The following BCL11B variants were observed in gnomAD, a reference collection of about 807,000 sequenced individuals.
BCL11B encodes the protein BCL11 transcription factor B.
BCL11B carries 8 observed loss-of-function variants against 49.9 expected under a neutral mutation model. That is an observed-to-expected ratio of 0.16 (90% confidence interval 0.09 to 0.29). The LOEUF is 0.29. Ranked by LOEUF, BCL11B falls within the 10% of genes least tolerant of loss-of-function variation. The probability of loss-of-function intolerance (pLI) is 1.00; values close to 1 mark genes in which losing one functional copy is unlikely to be tolerated. For synonymous variants in BCL11B, 739 were observed against 637.4 expected (o/e 1.16, Z -2.40); for missense variants, 1,006 against 1,351.0 (o/e 0.74, Z 4.00).
rs2139752310 is a variant in BCL11B at position 99,174,183 on chromosome 14, C to T, written c.2653G>A (p.Asp885Asn). The change falls in exon 4 of 4, where the codon GAC becomes AAC. Residue 885 changes from aspartate to asparagine, a missense_variant. Asp to Asn is a conservative substitution (Grantham distance 23, BLOSUM62 1). This residue lies in a region of BCL11B where 16 missense variants were observed against 24.1 expected (regional missense o/e 0.67). Transcript: ENST00000357195. The stretch of plus-strand genomic sequence containing the variant: ...CTCTCGGCCTGCTCGATTTTGACGT[C>T]GTTAGTCAGCAAGTGCTCGCCGTGC... ...KWHGEHLLTN[D>N]VKIEQAERS The T allele has an allele frequency of 3.7e-6, 6 of 1,613,456 alleles. No homozygotes were observed. Among genetic ancestry groups the T allele is most frequent in the Non-Finnish European group, 5.1e-6 (6 of 1,180,018 alleles).
At chr14:99,263,182 C>G (rs913445543) in intron 1 of BCL11B, 1 of 152,880 alleles carries the variant, frequency 6.5e-6, no homozygotes, top group Non-Finnish European at 1.5e-5. Flanking sequence ...TCTCAGCAGA[C>G]AGTCAGAGGA....
chr14:99,174,884 ACCGCGCCGC>A lies in BCL11B; in HGVS notation c.1943_1951del (p.Gly648_Ala650del). ...CGCGAAGCCGCCCCCGCGCCCGTTG[ACCGCGCCGC>A]CCGCGCCCGCGTCCCCGCAGCCGCC... On this transcript the variant is annotated inframe_deletion, in exon 4 of 4. Coordinates refer to ENST00000357195, the MANE Select transcript of BCL11B (RefSeq NM_138576.4). 1 of 1,103,104 alleles carries A rather than the reference ACCGCGCCGC, an allele frequency of 9.1e-7. No homozygotes were observed. Among genetic ancestry groups the A allele is most frequent in the Non-Finnish European group, 1.1e-6 (1 of 906,366 alleles). The allele number at this position is 1,103,104 out of a possible 1,614,324, so 68.3% of individuals were successfully genotyped here. A position where few individuals can be genotyped will look rare whatever the true frequency, so the allele number is the denominator to read the frequency against.
chr14:99,249,522 A>G (rs1888939655), intron 2 of BCL11B, among the ~76,000 whole-genome samples: 1 of 152,228 alleles, frequency 6.6e-6, no homozygotes, highest in African/African-American at 2.4e-5. Context: ...TCTATGACTC[A>G]GTTGCCTCAT....
intron 1 of BCL11B, among the ~76,000 whole-genome samples, chr14:99,263,785 C>T (rs942616639): frequency 2.0e-5 from 3 of 151,912 alleles, no homozygotes; most frequent in Non-Finnish European, 4.4e-5. Flanking sequence ...AATGCACACA[C>T]CTCTCCAGAA....
At position 99,195,542 on chromosome 14, in the gene BCL11B, T is replaced by C. The variant is rs766089605; in HGVS notation, c.641-19347A>G. Among the ~76,000 whole-genome samples the C allele has an allele frequency of 5.9e-5, 9 of 152,050 alleles. No homozygotes were observed. Among genetic ancestry groups the C allele is most frequent in the Non-Finnish European group, 1.3e-4 (9 of 67,996 alleles). On this transcript the variant is annotated intron_variant, in intron 3 of 3. Coordinates refer to ENST00000357195, the MANE Select transcript of BCL11B (RefSeq NM_138576.4). The surrounding 1 kb of genome is among the most constrained non-coding windows in gnomAD (Gnocchi z 4.7). The stretch of plus-strand genomic sequence containing the variant: ...GCTGAGCACTTGCTGAGTGCCTCAG[T>C]GTATCTTCGTGAACCCCCACAAGGC...
rs1180451023 is a variant in BCL11B, at chr14:99,176,053, C to T, written c.783G>A (p.Pro261=). ...CGAGCGGCGGCGGGATGGTGAGCCG[C>T]GGCGTGAGCGAGCTGCTGGCCGGCC... ...EPGPASSSLT[P]RLTIPPPLGP... is the part of the protein sequence containing the mutation. The change falls in exon 4 of 4, where the codon CCG becomes CCA. Residue 261 remains proline, a synonymous_variant. Transcript: ENST00000357195. The T allele has an allele frequency of 1.3e-6, 2 of 1,598,302 alleles. No individual in the cohort carries two copies. The highest frequency in any genetic ancestry group is 2.3e-5 in the East Asian group (1 of 44,090).
chr14:99,258,014 A>G (rs557119619), intron 1 of BCL11B, among the ~76,000 whole-genome samples, 175 bp from the exon 2 acceptor site: 16 of 152,296 alleles, frequency 1.1e-4, no homozygotes, highest in African/African-American at 3.8e-4. Flanking sequence ...CATCCCCCAC[A>G]GGACAGATGG....
At chr14:99,225,086 G>C (rs17098430) in intron 3 of BCL11B, among the ~76,000 whole-genome samples, 2,343 of 152,250 alleles carry the variant, frequency 0.015, 70 homozygotes, top group African/African-American at 0.054. Context: ...TCATTGCAGG[G>C]TTCACACCAA....
chr14:99,179,501 CTT>C (rs1230810557), intron 3 of BCL11B, among the ~76,000 whole-genome samples: 2 of 98,180 alleles, frequency 2.0e-5, no homozygotes, highest in Non-Finnish European at 2.3e-5. Flanking sequence ...AAAAAAAAAG[CTT>C]CTAAAACTAA....
In BCL11B at chr14:99,242,573, T is replaced by C. The variant is rs894360615; in HGVS notation, c.428-11016A>G. ...AACAGGGGCTGGGTCAAGGCCCCCATGGGGAAAGGAGAGGACCACACTCTC... is the reference window on the plus strand; with the variant it reads ...AACAGGGGCTGGGTCAAGGCCCCCACGGGGAAAGGAGAGGACCACACTCTC... On this transcript the variant is annotated intron_variant, in intron 2 of 3. Transcript: ENST00000357195. This position sits in a 1 kb window ranked among gnomAD's most constrained non-coding sequence, Gnocchi z 4.4. Among the ~76,000 whole-genome samples the C allele has an allele frequency of 1.6e-4, 25 of 152,068 alleles. No individual in the cohort carries two copies. The highest frequency in any genetic ancestry group is 4.8e-4 in the African/African-American group (20 of 41,408).
At chr14:99,225,020 G>A (rs1255833880) in intron 3 of BCL11B, among the ~76,000 whole-genome samples, 1 of 152,194 alleles carries the variant, frequency 6.6e-6, no homozygotes, top group Non-Finnish European at 1.5e-5. Flanking sequence ...CAGAGCTGAA[G>A]TCCAAGGCAC....
In BCL11B at chr14:99,169,852, C is replaced by G. The variant is rs1886230981; in HGVS notation, c.*4299G>C. The G allele has an allele frequency of 4.4e-6, 1 of 228,050 alleles. No homozygotes were observed. The highest frequency in any genetic ancestry group is 5.7e-5 in the Admixed American group (1 of 17,596). The allele number at this position is 228,050 out of a possible 1,614,324, so 14.1% of individuals were successfully genotyped here. On this transcript the variant is annotated 3_prime_UTR_variant, in exon 4 of 4. Transcript: ENST00000357195. ...AGAGTAATTCAGTCTCCTTCTCTCC[C>G]CATGAAAGACCCTCTAATGCCAAGT...
chr14:99,265,580 A>T (rs1889456366), intron 1 of BCL11B, among the ~76,000 whole-genome samples: 1 of 152,134 alleles, frequency 6.6e-6, no homozygotes, highest in South Asian at 2.1e-4. Flanking sequence ...TGCTAAACTG[A>T]TTTTTAACGG....
At chr14:99,210,558 G>A (rs1457087471) in intron 3 of BCL11B, among the ~76,000 whole-genome samples, 1 of 152,010 alleles carries the variant, frequency 6.6e-6, no homozygotes, top group Admixed American at 6.6e-5. Flanking sequence ...TTCTGGATCT[G>A]CAACAGGCTC....
intron 3 of BCL11B, among the ~76,000 whole-genome samples, chr14:99,214,462 A>G (rs887821337): frequency 2.0e-5 from 3 of 151,810 alleles, no homozygotes; most frequent in Middle Eastern, 3.2e-3. Flanking sequence ...GGAGGCTGAG[A>G]CAGGAGGATC....
chr14:99,257,916 G>A lies in BCL11B; in HGVS notation c.59-77C>T. ...AGGCGGTCACAGCACCCAACTTCCGGTCCACCCCTTCCCCGCCAAGAAGCA... is the reference window on the plus strand; with the variant it reads ...AGGCGGTCACAGCACCCAACTTCCGATCCACCCCTTCCCCGCCAAGAAGCA... On this transcript the variant is annotated intron_variant, in intron 1 of 3. Coordinates refer to ENST00000357195, the MANE Select transcript of BCL11B (RefSeq NM_138576.4). The surrounding 1 kb of genome is among the most constrained non-coding windows in gnomAD (Gnocchi z 6.2). The A allele has an allele frequency of 1.4e-6, 2 of 1,411,966 alleles. No individual in the cohort carries two copies. The highest frequency in any genetic ancestry group is 1.9e-6 in the Non-Finnish European group (2 of 1,076,644). 87.5% of individuals were successfully genotyped at this position (1,411,966 alleles called of 1,614,324 possible).
rs200687140 is a variant in BCL11B at position 99,174,972 on chromosome 14, C to A, written c.1864G>T (p.Ala622Ser). 1 of 1,558,192 alleles carries A rather than the reference C, an allele frequency of 6.4e-7. No homozygotes were observed. Among genetic ancestry groups the A allele is most frequent in the East Asian group, 2.4e-5 (1 of 41,030 alleles). ...CCGCCCGCCGCACGCTTCAGGAAGGCGCCGCGCTTCTGCTTGTCGGCCAGG... is the reference window on the plus strand; with the variant it reads ...CCGCCCGCCGCACGCTTCAGGAAGGAGCCGCGCTTCTGCTTGTCGGCCAGG... ...ELLADKQKRG[A>S]FLKRAAGGGD... The change falls in exon 4 of 4, where the codon GCC (alanine) becomes TCC (serine). Residue 622 changes from alanine to serine, a missense_variant. Around this residue, in one of 6 missense-constraint regions of BCL11B, gnomAD observed 443 missense variants for 499.7 expected, o/e 0.89. Coordinates refer to ENST00000357195, the MANE Select transcript of BCL11B (RefSeq NM_138576.4).
chr14:99,193,775 T>C (rs1384812715), intron 3 of BCL11B, among the ~76,000 whole-genome samples: 1 of 152,210 alleles, frequency 6.6e-6, no homozygotes, highest in African/African-American at 2.4e-5. Flanking sequence ...AGCACCTCTT[T>C]TTCATCAAGT....
At chr14:99,185,446 GA>G (rs11352447) in intron 3 of BCL11B, among the ~76,000 whole-genome samples, 96,005 of 138,576 alleles carry the variant, frequency 0.69, 32,772 homozygotes, top group African/African-American at 0.83. Context: ...TAAAAAAAAA[GA>G]AAAAAAAAAA....
Sources: gnomAD v4.1 joint callset for allele counts (sites outside exome capture counted in the v4.1 genomes callset) on GRCh38, gnomAD v4.1.1 for gene constraint, gnomAD v4.1.1 regional missense constraint, Gnocchi (gnomAD v3.1) non-coding constraint, MANE v1.5 for transcripts, NCBI Gene and HGNC (gene_info 2026-07-23, HGNC 2026-07-21) for gene names.